Variants in CAMK1D observed in about 807,000 individuals in gnomAD.
CAMK1D encodes the protein calcium/calmodulin-dependent protein kinase type 1D.
In CAMK1D, 9 loss-of-function variants were observed where a neutral mutation model predicts 47.7. The ratio of observed to expected loss-of-function variants is 0.19; its 90% CI spans 0.11 to 0.33. The LOEUF (loss-of-function observed/expected upper bound fraction) is 0.33, where lower values mean the gene tolerates loss of function less well. Among genes scored for constraint, CAMK1D ranks in the 10% least tolerant of loss-of-function variants. The probability of loss-of-function intolerance (pLI) is 1.00; values close to 1 mark genes in which losing one functional copy is unlikely to be tolerated. For missense variants in CAMK1D, 291 were observed against 488.7 expected (o/e 0.60, Z 3.81); for synonymous variants, 184 against 184.9 (o/e 0.99, Z 0.04).
intron 5 of CAMK1D, among the ~76,000 whole-genome samples, chr10:12,784,996 C>T (rs1417763274): frequency 1.3e-5 from 2 of 152,130 alleles, no homozygotes; most frequent in Non-Finnish European, 2.9e-5. Context: ...CAGAGGAGGC[C>T]ATTGTGTTAC....
intron 5 of CAMK1D, among the ~76,000 whole-genome samples, chr10:12,786,539 AT>A (rs1415111073): frequency 1.3e-5 from 2 of 152,074 alleles, no homozygotes; most frequent in Non-Finnish European, 2.9e-5. Context: ...AATCTTATGT[AT>A]TTTTTTATTT....
intron 1 of CAMK1D, among the ~76,000 whole-genome samples, chr10:12,503,900 G>A (rs1834784570): frequency 6.6e-6 from 1 of 152,166 alleles, no homozygotes; most frequent in Non-Finnish European, 1.5e-5. Flanking sequence ...CCGGACTGAG[G>A]ATAGTGGGTT....
intron 1 of CAMK1D, among the ~76,000 whole-genome samples, chr10:12,488,888 G>C (rs997065145): frequency 6.6e-6 from 1 of 152,194 alleles, no homozygotes; most frequent in Non-Finnish European, 1.5e-5. Context: ...ATACAGATGA[G>C]GTTTCGCTCA....
chr10:12,702,391 CA>C (rs1833557375), intron 3 of CAMK1D, among the ~76,000 whole-genome samples: 1 of 152,202 alleles, frequency 6.6e-6, no homozygotes, highest in African/African-American at 2.4e-5. Context: ...TTCAGGCAAA[CA>C]CAGTACAGGG....
At chr10:12,640,235 C>T (rs562924209) in intron 2 of CAMK1D, among the ~76,000 whole-genome samples, 93 of 152,108 alleles carry the variant, frequency 6.1e-4, no homozygotes, top group Admixed American at 9.2e-4. Context: ...GCAGCTTGCC[C>T]CCACCCCTTC....
intron 6 of CAMK1D, among the ~76,000 whole-genome samples, chr10:12,806,925 C>A (rs538896472): frequency 6.6e-6 from 1 of 152,196 alleles, no homozygotes; most frequent in Admixed American, 6.5e-5. Flanking sequence ...TGTCTCTGGT[C>A]ACTCAAAGTC....
In CAMK1D at chr10:12,419,958, CT is replaced by C. The variant is rs35190654; in HGVS notation, c.92+70062del. Among the ~76,000 whole-genome samples, 697 of 145,506 alleles carry C rather than the reference CT, an allele frequency of 4.8e-3. 2 individuals are homozygous for C. Among genetic ancestry groups the C allele is most frequent in the Non-Finnish European group, 7.0e-3 (461 of 65,928 alleles). On this transcript the variant is annotated intron_variant, in intron 1 of 10. Coordinates refer to ENST00000619168, the MANE Select transcript of CAMK1D (RefSeq NM_153498.4). ...TTAGTGAAAAATGACATCTATGTAACTTTTTTTTTTTTTTCTCTTGAGACAG... is the reference window on the plus strand; with the variant it reads ...TTAGTGAAAAATGACATCTATGTAACTTTTTTTTTTTTTCTCTTGAGACAG...
intron 2 of CAMK1D, among the ~76,000 whole-genome samples, chr10:12,611,609 T>TTTTTTTTTTTG (rs1554796845): frequency 3.8e-4 from 48 of 124,766 alleles, no homozygotes; most frequent in African/African-American, 7.2e-4. Flanking sequence ...TTTTTTTTTT[T>TTTTTTTTTTTG]GAGACAGAGT....
intron 10 of CAMK1D, among the ~76,000 whole-genome samples, chr10:12,826,335 C>A (rs909316262): frequency 4.6e-5 from 7 of 152,168 alleles, no homozygotes; most frequent in African/African-American, 1.7e-4. Flanking sequence ...GAAGGGAGAG[C>A]AGAGCCTCAG....
chr10:12,828,548 C>T (rs533610818), intron 10 of CAMK1D, among the ~76,000 whole-genome samples: 2 of 151,726 alleles, frequency 1.3e-5, no homozygotes, highest in African/African-American at 2.4e-5. Context: ...GGCTGAAGCA[C>T]GAGAATCGCT....
chr10:12,631,748 A>T (rs76441121), intron 2 of CAMK1D, among the ~76,000 whole-genome samples: 67 of 151,206 alleles, frequency 4.4e-4, no homozygotes, highest in African/African-American at 1.5e-3. Flanking sequence ...AAGCCAAGAC[A>T]TGGTCCTTCA....
At chr10:12,553,756 C>T (rs1836669212) in intron 2 of CAMK1D, among the ~76,000 whole-genome samples, 1 of 152,216 alleles carries the variant, frequency 6.6e-6, no homozygotes, top group Non-Finnish European at 1.5e-5. Context: ...GTGAAGTGCT[C>T]ACTGCAGCAC....
intron 1 of CAMK1D, among the ~76,000 whole-genome samples, chr10:12,433,131 C>G (rs1832536493): frequency 6.6e-6 from 1 of 152,214 alleles, no homozygotes; most frequent in Non-Finnish European, 1.5e-5. Context: ...GTCAGGTTTC[C>G]TCTCACAGCC....
chr10:12,690,151 C>T (rs1203729766), intron 3 of CAMK1D, among the ~76,000 whole-genome samples: 1 of 152,208 alleles, frequency 6.6e-6, no homozygotes, highest in East Asian at 1.9e-4. Context: ...TGTTGAACGC[C>T]TGTCTCACAT....
intron 2 of CAMK1D, among the ~76,000 whole-genome samples, chr10:12,623,724 C>A (rs184255769): frequency 6.6e-6 from 1 of 151,736 alleles, no homozygotes; most frequent in African/African-American, 2.4e-5. Flanking sequence ...TTTTTCCCCC[C>A]CAAAATAGCA....
At chr10:12,607,981 A>C (rs1838513199) in intron 2 of CAMK1D, among the ~76,000 whole-genome samples, 1 of 152,142 alleles carries the variant, frequency 6.6e-6, no homozygotes, top group Admixed American at 6.5e-5. Flanking sequence ...ATAAGTAAAG[A>C]AAGAAAGACA....
At chr10:12,531,349 A>C (rs1332058396) in intron 1 of CAMK1D, among the ~76,000 whole-genome samples, 2 of 152,204 alleles carry the variant, frequency 1.3e-5, no homozygotes, top group Non-Finnish European at 2.9e-5. Flanking sequence ...GAGTGCATTC[A>C]TCCCCCTTCT....
intron 1 of CAMK1D, among the ~76,000 whole-genome samples, chr10:12,408,030 A>G (rs571677888): frequency 2.8e-4 from 42 of 151,510 alleles, no homozygotes; most frequent in Admixed American, 7.9e-4. Flanking sequence ...GCTAATTTTT[A>G]TATTTTTAGT....
chr10:12,376,534 T>C lies in CAMK1D; in HGVS notation c.92+26624T>C, dbSNP rs184229128. ...CGCCAGGGGCACCTTCATGTGTTGG[T>C]GTGAAGGGTCTTTGTTAGTTTATTA... is the stretch of plus-strand genomic sequence containing the variant. On this transcript the variant is annotated intron_variant, in intron 1 of 10. Transcript: ENST00000619168. 9.9e-5 allele frequency among the ~76,000 whole-genome samples: 15 copies of C among 152,170 alleles called. No individual in the cohort carries two copies. In the East Asian group the frequency reaches 2.9e-3, roughly 29 times the overall value.
Sources: allele counts gnomAD v4.1 joint callset (sites outside exome capture counted in the v4.1 genomes callset), GRCh38; gene constraint gnomAD v4.1.1; transcripts MANE v1.5; gene names NCBI Gene and HGNC (gene_info 2026-07-23, HGNC 2026-07-21).